The following KLHL36 variants were observed in gnomAD, a reference collection of about 807,000 sequenced individuals.
KLHL36 encodes kelch like family member 36.
A neutral mutation model predicts 53.3 loss-of-function variants in KLHL36; 35 were observed. The ratio of observed to expected loss-of-function variants is 0.66; its 90% confidence interval spans 0.50 to 0.87. The LOEUF is 0.87. Ranked by LOEUF, KLHL36 falls within the 40% of genes least tolerant of loss-of-function variation. The probability of loss-of-function intolerance (pLI) is 0.00; values close to 1 mark genes in which losing one functional copy is unlikely to be tolerated. For synonymous variants in KLHL36, 472 were observed against 398.9 expected (o/e 1.18, Z -2.18); for missense variants, 864 against 897.6 (o/e 0.96, Z 0.48).
chr16:84,655,323 GA>G (rs1311705498), intron 2 of KLHL36, among the ~76,000 whole-genome samples: 1 of 152,040 alleles, frequency 6.6e-6, no homozygotes, highest in Non-Finnish European at 1.5e-5. Flanking sequence ...TGAAAGGGAA[GA>G]AAAAAATAAA....
Position 84,650,945 on chromosome 16 carries a change from A to G in KLHL36, c.63+15A>G. On this transcript the variant is annotated intron_variant, in intron 2 of 4. Transcript: ENST00000564996. ...AATCATCAAAGGTCTGTGAATGTTCACTCACCACCTATGCAAATTGCCTAA... is the reference window on the plus strand; with the variant it reads ...AATCATCAAAGGTCTGTGAATGTTCGCTCACCACCTATGCAAATTGCCTAA... 5.0e-6 allele frequency: 8 copies of G among 1,597,284 alleles called. No homozygotes were observed. Among genetic ancestry groups the G allele is most frequent in the Non-Finnish European group, 6.8e-6 (8 of 1,172,088 alleles).
intron 4 of KLHL36, among the ~76,000 whole-genome samples, chr16:84,660,533 C>A (rs976777611): frequency 1.3e-5 from 2 of 152,226 alleles, no homozygotes; most frequent in African/African-American, 4.8e-5. Flanking sequence ...TTCCCTGTTG[C>A]CGCACCCAGC....
intron 2 of KLHL36, among the ~76,000 whole-genome samples, chr16:84,656,246 T>A (rs1021160499): frequency 1.6e-4 from 24 of 151,048 alleles, no homozygotes; most frequent in Non-Finnish European, 3.3e-4. Flanking sequence ...TTTTTGTTTT[T>A]TCTTGTTTGT....
At position 84,656,992 on chromosome 16, in the gene KLHL36, A is replaced by G. The variant is rs1391129100; in HGVS notation, c.185A>G (p.Asn62Ser). 12 of 1,614,084 alleles carry G rather than the reference A, an allele frequency of 7.4e-6. No homozygotes were observed. The highest frequency in any genetic ancestry group is 1.3e-5 in the African/African-American group (1 of 75,050). The change falls in exon 3 of 5, where the codon AAC becomes AGC. Residue 62 changes from asparagine to serine, a missense_variant. By Grantham distance (46) the Asn-to-Ser change is conservative (BLOSUM62 1). Coordinates refer to ENST00000564996, the MANE Select transcript of KLHL36 (RefSeq NM_024731.4). The stretch of plus-strand genomic sequence containing the variant: ...GAGCAGCGTGTGCCAGCCCATCGCA[A>G]CCTGCTGGCCGTGTGCAGCGACTAC... Reference protein sequence around the residue: ...ADEQRVPAHRNLLAVCSDYFN... With the variant: ...ADEQRVPAHRSLLAVCSDYFN...
In KLHL36 at chr16:84,657,543, C is replaced by A; in HGVS notation, c.736C>A (p.Leu246Met). The change falls in exon 3 of 5, where the codon CTG becomes ATG. Residue 246 changes from leucine to methionine, a missense_variant. Coordinates refer to ENST00000564996, the MANE Select transcript of KLHL36 (RefSeq NM_024731.4). ...CCCGCTCATCCCCAAGAACGACCTGCTGCACCGCGTCAAGCCGGCCGTGTG... is the reference window on the plus strand; with the variant it reads ...CCCGCTCATCCCCAAGAACGACCTGATGCACCGCGTCAAGCCGGCCGTGTG... ...HFPLIPKNDL[L>M]HRVKPAVCSL... 6.2e-7 allele frequency: 1 copy of A among 1,610,426 alleles called. No homozygotes were observed. Among genetic ancestry groups the A allele is most frequent in the South Asian group, 1.1e-5 (1 of 91,086 alleles).
Position 84,664,682 on chromosome 16 carries a change from G to C in KLHL36, c.*2549G>C, listed in dbSNP as rs1425407530. On this transcript the variant is annotated 3_prime_UTR_variant, in exon 5 of 5. Transcript: ENST00000564996. ...TTTGATGGTGGCTACACTGTGACAAGAAAGGTTTTTGAGCTTGTTGGGGTC... is the reference window on the plus strand; with the variant it reads ...TTTGATGGTGGCTACACTGTGACAACAAAGGTTTTTGAGCTTGTTGGGGTC... 6.6e-6 allele frequency: 1 copy of C among 152,254 alleles called. No individual in the cohort carries two copies. The highest frequency in any genetic ancestry group is 1.5e-5 in the Non-Finnish European group (1 of 68,052). 9.4% of individuals were successfully genotyped at this position (152,254 alleles called of 1,614,324 possible). A position where few individuals can be genotyped will look rare whatever the true frequency, so the allele number is the denominator to read the frequency against.
chr16:84,661,812 C>T lies in KLHL36; in HGVS notation c.1530C>T (p.Arg510=), dbSNP rs758652950. Reference sequence around the variant, plus strand: ...ATGACAACATCGAGTCCATGGAGCGCTTCGACGTGCTGGGCGTGGAGGCCT... The same window carrying T: ...ATGACAACATCGAGTCCATGGAGCGTTTCGACGTGCTGGGCGTGGAGGCCT... The part of the protein sequence containing the change: ...GSDDNIESME[R]FDVLGVEAYS... Residue 510 remains arginine, a synonymous_variant, in exon 5 of 5, where the codon CGC becomes CGT. Transcript: ENST00000564996. The surrounding 1 kb of genome is among the most constrained non-coding windows in gnomAD (Gnocchi z 7.9). 5.6e-6 allele frequency: 9 copies of T among 1,609,648 alleles called. No individual in the cohort carries two copies. The highest frequency in any genetic ancestry group is 3.3e-5 in the Admixed American group (2 of 59,922).
rs1325105736 is a variant in KLHL36, at chr16:84,662,235, C to CATA, written c.*103_*104insTAA. On this transcript the variant is annotated 3_prime_UTR_variant, in exon 5 of 5. Coordinates refer to ENST00000564996, the MANE Select transcript of KLHL36 (RefSeq NM_024731.4). ...TCCGGAAACATTATGTACAACTTAG[C>CATA]AGCTTTTTTTACTTTTATGATTCTT... 1.9e-6 allele frequency: 2 copies of CATA among 1,075,770 alleles called. No individual in the cohort carries two copies. The highest frequency in any genetic ancestry group is 3.2e-5 in the African/African-American group (2 of 62,760). 66.6% of individuals were successfully genotyped at this position (1,075,770 alleles called of 1,614,324 possible).
chr16:84,661,328 G>C lies in KLHL36; in HGVS notation c.1296-250G>C, dbSNP rs969968204. 6.6e-6 allele frequency among the ~76,000 whole-genome samples: 1 copy of C among 152,202 alleles called. No homozygotes were observed. The highest frequency in any genetic ancestry group is 1.5e-5 in the Non-Finnish European group (1 of 68,044). On this transcript the variant is annotated intron_variant, in intron 4 of 4. Transcript: ENST00000564996. This position sits in a 1 kb window ranked among gnomAD's most constrained non-coding sequence, Gnocchi z 7.9. The stretch of plus-strand genomic sequence containing the variant: ...TTCCCATTTCCCAGATGGGGCAAGG[G>C]AGACTCAGAGAGAGTGAAGCTGGGT...
intron 1 of KLHL36, among the ~76,000 whole-genome samples, chr16:84,650,321 CT>C: frequency 6.6e-6 from 1 of 152,248 alleles, no homozygotes; most frequent in South Asian, 2.1e-4. Flanking sequence ...GAACCCGGGC[CT>C]CATTCAGCAG....
chr16:84,659,924 T>G lies in KLHL36; in HGVS notation c.1295+7T>G, dbSNP rs560778106. On this transcript the variant is annotated splice_region_variant and intron_variant, in intron 4 of 4. Coordinates refer to ENST00000564996, the MANE Select transcript of KLHL36 (RefSeq NM_024731.4). Reference sequence around the variant, plus strand: ...ATGTGGCCGGCTTGCCAAGGTGATCTGGGGCTTGGTGGAAGGTTCTCCAAA... The same window carrying G: ...ATGTGGCCGGCTTGCCAAGGTGATCGGGGGCTTGGTGGAAGGTTCTCCAAA... The G allele has an allele frequency of 6.2e-7, 1 of 1,601,058 alleles. No homozygotes were observed. The highest frequency in any genetic ancestry group is 1.1e-5 in the South Asian group (1 of 90,570).
chr16:84,662,120 A>G lies in KLHL36; in HGVS notation c.1838A>G (p.Asp613Gly). ...KKKGKGKRHQ[D>G]RGQ ...AAAGGCAAAGGCAAGAGGCACCAGG[A>G]CCGGGGCCAGTGACCCTAGCTGCGC... Residue 613 changes from aspartate (D) to glycine (G), a missense_variant, in exon 5 of 5, where the codon GAC becomes GGC. Physicochemically the swap from Asp to Gly is moderately conservative, Grantham distance 94. Coordinates refer to ENST00000564996, the MANE Select transcript of KLHL36 (RefSeq NM_024731.4). The G allele has an allele frequency of 1.3e-6, 2 of 1,544,724 alleles. No homozygotes were observed. The highest frequency in any genetic ancestry group is 1.7e-6 in the Non-Finnish European group (2 of 1,143,056).
chr16:84,659,382 C>G (rs1017504826), intron 3 of KLHL36: 1 of 198,824 alleles, frequency 5.0e-6, no homozygotes, highest in African/African-American at 2.3e-5. Flanking sequence ...CTTTACAAAT[C>G]TGATGTGGGG....
chr16:84,656,809 A>T, intron 2 of KLHL36, 62 bp from the exon 3 acceptor site: 1 of 1,245,388 alleles, frequency 8.0e-7, no homozygotes, highest in Non-Finnish European at 1.1e-6. Context: ...GTCAGGACCC[A>T]CTGGGTTGGA....
At chr16:84,652,119 G>T (rs1027857404) in intron 2 of KLHL36, among the ~76,000 whole-genome samples, 10 of 152,174 alleles carry the variant, frequency 6.6e-5, no homozygotes, top group African/African-American at 2.2e-4. Context: ...GCTCACAAGG[G>T]CTTTGTTTGG....
chr16:84,651,628 A>G (rs2150718636), intron 2 of KLHL36, among the ~76,000 whole-genome samples: 1 of 152,272 alleles, frequency 6.6e-6, no homozygotes, highest in East Asian at 1.9e-4. Flanking sequence ...TGTTCTTTAG[A>G]GGTATCCCTT....
intron 2 of KLHL36, among the ~76,000 whole-genome samples, chr16:84,651,528 C>A (rs1906879673): frequency 6.6e-6 from 1 of 152,202 alleles, no homozygotes; most frequent in African/African-American, 2.4e-5. Flanking sequence ...ACTCCTGTCC[C>A]CACAGCTGCT....
intron 3 of KLHL36, chr16:84,659,122 C>T (rs941663052): frequency 1.3e-5 from 2 of 152,252 alleles, no homozygotes; most frequent in East Asian, 3.8e-4. Context: ...GCGCCTCAAC[C>T]TACTGAGTAG....
Position 84,662,376 on chromosome 16 carries a change from C to A in KLHL36, c.*243C>A. 1 of 422,784 alleles carries A rather than the reference C, an allele frequency of 2.4e-6. No homozygotes were observed. Among genetic ancestry groups the A allele is most frequent in the Non-Finnish European group, 4.3e-6 (1 of 234,308 alleles). The allele number at this position is 422,784 out of a possible 1,614,324, so 26.2% of individuals were successfully genotyped here. On this transcript the variant is annotated 3_prime_UTR_variant, in exon 5 of 5. Coordinates refer to ENST00000564996, the MANE Select transcript of KLHL36 (RefSeq NM_024731.4). The stretch of plus-strand genomic sequence containing the variant: ...AGCAACCCCTTGTATCTTCACAGGT[C>A]TTTGCCCCGTGTTATGATTCCTCAT...
Sources: allele counts gnomAD v4.1 joint callset (sites outside exome capture counted in the v4.1 genomes callset), GRCh38; gene constraint gnomAD v4.1.1; non-coding constraint Gnocchi (gnomAD v3.1); transcripts MANE v1.5; gene names NCBI Gene and HGNC (gene_info 2026-07-23, HGNC 2026-07-21).